CWH43: variants seen among roughly 807,000 people sequenced by gnomAD.
CWH43 encodes cell wall biogenesis 43 C-terminal homolog.
In CWH43, 91 loss-of-function variants were observed where a neutral mutation model predicts 85.7. The observed-to-expected ratio is 1.06, with a 90% CI of 0.90 to 1.26. The LOEUF is 1.26. CWH43 is among the 50% of genes most tolerant of loss of function. The probability of loss-of-function intolerance (pLI) is 0.00; values close to 1 mark genes in which losing one functional copy is unlikely to be tolerated. For synonymous variants in CWH43, 323 were observed against 293.6 expected (o/e 1.10, Z -1.02); for missense variants, 869 against 839.2 (o/e 1.04, Z -0.44).
intron 13 of CWH43, among the ~76,000 whole-genome samples, chr4:49,041,105 C>T (rs1784447224): frequency 1.3e-5 from 2 of 152,182 alleles, no homozygotes; most frequent in East Asian, 3.9e-4. Flanking sequence ...TGATCTATAT[C>T]TCTGTTTTGG....
chr4:49,003,184 C>G lies in CWH43; in HGVS notation c.803-551C>G, dbSNP rs561834312. Among the ~76,000 whole-genome samples the G allele has an allele frequency of 4.6e-5, 7 of 151,500 alleles. No individual in the cohort carries two copies. In the East Asian group the frequency reaches 1.2e-3, roughly 25 times the overall value. ...AGCAGGCTGTTGGGTAATGAATGAA[C>G]TGATTGCAGAATTGCTAAAGCAGTG... On this transcript the variant is annotated intron_variant, in intron 6 of 15. Transcript: ENST00000226432.
At chr4:49,039,108 A>G (rs1162969357) in intron 13 of CWH43, among the ~76,000 whole-genome samples, 1 of 146,046 alleles carries the variant, frequency 6.8e-6, no homozygotes, top group East Asian at 2.0e-4. Flanking sequence ...TAATAAATAA[A>G]TAAAAATTAA....
At chr4:49,042,264 C>G (rs1784486274) in intron 13 of CWH43, among the ~76,000 whole-genome samples, 1 of 152,178 alleles carries the variant, frequency 6.6e-6, no homozygotes, top group African/African-American at 2.4e-5. Flanking sequence ...GGCCTCCTCT[C>G]TGCCTTGCAG....
rs781405037 is a variant in CWH43 at position 49,007,285 on chromosome 4, CT to C, written c.1146del (p.Val384CysfsTer10). On this transcript the variant is annotated frameshift_variant, in exon 8 of 16. Transcript: ENST00000226432. LOFTEE classifies it high-confidence loss of function. The part of the protein sequence containing the change: ...LDLLLQTKNS[S>X]KVLFRKSEKY... Reference sequence around the variant, plus strand: ...TTGCTTCTTCAAACAAAAAACAGTTCTAAAGTGCTTTTCAGAAAGAGTGAAA... The same window carrying C: ...TTGCTTCTTCAAACAAAAAACAGTTCAAAGTGCTTTTCAGAAAGAGTGAAA... 1.9e-6 allele frequency: 3 copies of C among 1,609,342 alleles called. No homozygotes were observed. In the South Asian group the frequency reaches 3.3e-5, roughly 18 times the overall value.
At chr4:49,037,701 C>T (rs1784302909) in intron 12 of CWH43, among the ~76,000 whole-genome samples, 1 of 152,182 alleles carries the variant, frequency 6.6e-6, no homozygotes, top group Non-Finnish European at 1.5e-5. Context: ...AATTCTTTAG[C>T]TGTAATACTG....
At chr4:48,991,800 A>C (rs1782669081) in intron 3 of CWH43, 136 bp from the exon 4 acceptor site, 3 of 886,448 alleles carry the variant, frequency 3.4e-6, no homozygotes, top group Admixed American at 2.8e-5. Context: ...TGCTATATAG[A>C]GGCTAAATCA....
intron 4 of CWH43, 56 bp from the exon 5 acceptor site, chr4:48,994,563 G>C (rs1782751796): frequency 2.8e-6 from 4 of 1,427,640 alleles, no homozygotes; most frequent in Admixed American, 3.8e-5. Flanking sequence ...GCTAAATATA[G>C]AGCGCAAATT....
At chr4:49,017,484 G>A (rs1783590499) in intron 9 of CWH43, among the ~76,000 whole-genome samples, 156 bp downstream of exon 9, 2 of 152,106 alleles carry the variant, frequency 1.3e-5, no homozygotes, top group African/African-American at 4.8e-5. Flanking sequence ...TAAGATAGTG[G>A]GATTATTTTA....
chr4:49,061,442 A>G (rs1370678222), intron 15 of CWH43, among the ~76,000 whole-genome samples: 2 of 152,238 alleles, frequency 1.3e-5, no homozygotes, highest in African/African-American at 4.8e-5. Context: ...TAACACATGT[A>G]GACAATTTAG....
chr4:49,038,989 T>C (rs1471846656), intron 13 of CWH43, among the ~76,000 whole-genome samples: 1 of 151,082 alleles, frequency 6.6e-6, no homozygotes, highest in Admixed American at 6.6e-5. Flanking sequence ...ATCTGAGACG[T>C]AGAGCTTGCA....
chr4:48,991,384 T>C (rs1782649320), intron 2 of CWH43, 70 bp from the exon 3 acceptor site: 1 of 1,565,190 alleles, frequency 6.4e-7, no homozygotes, highest in African/African-American at 1.4e-5. Context: ...ATAACATGCA[T>C]CAAATGCAGA....
At chr4:49,002,311 G>A (rs1396629932) in intron 6 of CWH43, among the ~76,000 whole-genome samples, 1 of 152,102 alleles carries the variant, frequency 6.6e-6, no homozygotes, top group East Asian at 1.9e-4. Context: ...GCCAGCAATA[G>A]GAAAATGCTT....
chr4:49,020,410 C>T (rs1453029200), intron 9 of CWH43, among the ~76,000 whole-genome samples: 6 of 113,098 alleles, frequency 5.3e-5, no homozygotes, highest in African/African-American at 1.6e-4. Context: ...CACACACACA[C>T]ACACACATAT....
Position 49,003,735 on chromosome 4 carries a change from G to A in CWH43, c.803G>A (p.Gly268Glu). The change falls in exon 7 of 16, where the codon GGA becomes GAA. Residue 268 changes from glycine (G) to glutamate (E), a missense_variant and splice_region_variant. Gly to Glu is a moderately conservative substitution (Grantham distance 98). Transcript: ENST00000226432. ...RGTGLIWWVT[G>E]TASAAGLLYL... ...TGATTCTTTTCTCTCTCACAAACAGGAACAGCTTCAGCTGCGGGGCTCCTT... is the reference window on the plus strand; with the variant it reads ...TGATTCTTTTCTCTCTCACAAACAGAAACAGCTTCAGCTGCGGGGCTCCTT... 2.5e-6 allele frequency: 4 copies of A among 1,613,670 alleles called. No homozygotes were observed. The highest frequency in any genetic ancestry group is 3.4e-6 in the Non-Finnish European group (4 of 1,179,842).
chr4:49,060,153 G>A (rs2109854552), intron 15 of CWH43, among the ~76,000 whole-genome samples: 1 of 152,188 alleles, frequency 6.6e-6, no homozygotes, highest in East Asian at 1.9e-4. Flanking sequence ...TGGTGCCTGG[G>A]GTTATAAGGG....
chr4:49,031,789 G>C (rs1332222092), intron 11 of CWH43, among the ~76,000 whole-genome samples: 1 of 152,172 alleles, frequency 6.6e-6, no homozygotes, highest in African/African-American at 2.4e-5. Flanking sequence ...ACTTACAATA[G>C]TTTAGATGTC....
intron 7 of CWH43, among the ~76,000 whole-genome samples, chr4:49,006,179 G>A (rs771020514): frequency 8.6e-5 from 13 of 151,798 alleles, no homozygotes; most frequent in Non-Finnish European, 1.6e-4. Context: ...TTAGGGATCT[G>A]CCATGAGAAA....
At chr4:49,013,545 G>A (rs1426903861) in intron 8 of CWH43, among the ~76,000 whole-genome samples, 1 of 152,204 alleles carries the variant, frequency 6.6e-6, no homozygotes, top group Non-Finnish European at 1.5e-5. Context: ...ACCTCAGTTG[G>A]AAATGCAGAA....
rs1218262385 is a variant in CWH43 at position 48,986,612 on chromosome 4, C to A, written c.43+140C>A. The A allele has an allele frequency of 7.5e-6, 11 of 1,464,978 alleles. No homozygotes were observed. The African/African-American group carries it at 1.6e-4, about 21-fold the overall frequency. 90.7% of individuals were successfully genotyped at this position (1,464,978 alleles called of 1,614,324 possible). On this transcript the variant is annotated intron_variant, in intron 1 of 15. Transcript: ENST00000226432. ...TGCCCAGAGTGGAGATGCTTATCGT[C>A]CCCTGGGAACTTTTCCTACTGAAGG...
Sources: gnomAD v4.1 joint callset for allele counts (sites outside exome capture counted in the v4.1 genomes callset) on GRCh38, gnomAD v4.1.1 for gene constraint, MANE v1.5 for transcripts, NCBI Gene and HGNC (gene_info 2026-07-23, HGNC 2026-07-21) for gene names.